Variants in RALGDS observed in about 807,000 individuals in gnomAD.
RALGDS encodes the protein ral guanine nucleotide exchange factor.
In RALGDS, 44 loss-of-function variants were observed where a neutral mutation model predicts 99.8. The ratio of observed to expected loss-of-function variants is 0.44; its 90% CI spans 0.35 to 0.57. RALGDS has a LOEUF of 0.57. Among genes scored for constraint, RALGDS ranks in the 20% least tolerant of loss-of-function variants. The pLI is 0.01. For synonymous variants in RALGDS, 529 were observed against 505.0 expected, an observed-to-expected ratio of 1.05 and a Z score of -0.64; for missense variants, 1,022 against 1,203.1, an observed-to-expected ratio of 0.85 and a Z score of 2.23.
At chr9:133,131,862 C>T (rs1448326328), upstream of RALGDS, among the ~76,000 whole-genome samples, 2 of 152,244 alleles carry the variant, frequency 1.3e-5, no homozygotes, top group African/African-American at 2.4e-5. Flanking sequence ...AAAATGGGCA[C>T]AAGGGCGCTG....
exon 1 of RALGDS, chr9:133,148,989 T>C: frequency 6.3e-7 from 1 of 1,584,274 alleles, no homozygotes; most frequent in African/African-American, 1.4e-5. Context: ...ATCCTCAGCC[T>C]CGGTGGCACA....
At chr9:133,107,838 G>T in intron 6 of RALGDS, 150 bp downstream of exon 6, 1 of 980,184 alleles carries the variant, frequency 1.0e-6, no homozygotes, top group Admixed American at 2.0e-5. Context: ...GAGGACTTGG[G>T]GTTAAGGAAC....
Position 133,098,686 on chromosome 9 carries a change from C to T in RALGDS, c.2646G>A (p.Lys882=). ...STANYDFVLK[K]RTFTKGVKVK... is the part of the protein sequence containing the mutation. Reference sequence around the variant, plus strand: ...CCTTCACTCCCTTGGTGAAGGTCCGCTTCTTGAGGACAAAGTCATAGTTGG... The same window carrying T: ...CCTTCACTCCCTTGGTGAAGGTCCGTTTCTTGAGGACAAAGTCATAGTTGG... Residue 882 remains lysine, a synonymous_variant, in exon 18 of 18, where the codon AAG becomes AAA. Transcript: ENST00000372050. The T allele has an allele frequency of 6.2e-7, 1 of 1,614,094 alleles. No homozygotes were observed. The highest frequency in any genetic ancestry group is 8.5e-7 in the Non-Finnish European group (1 of 1,179,986).
Position 133,106,793 on chromosome 9 carries a change from C to T in RALGDS, c.1414-45G>A, listed in dbSNP as rs778933031. 3.4e-5 allele frequency: 49 copies of T among 1,457,886 alleles called. No individual in the cohort carries two copies. The Admixed American group carries it at 8.7e-4, about 26-fold the overall frequency. The allele number at this position is 1,457,886 out of a possible 1,614,324, so 90.3% of individuals were successfully genotyped here. A position where few individuals can be genotyped will look rare whatever the true frequency, so the allele number is the denominator to read the frequency against. ...AGGCATGAGGTGGGGCTGGAGCTCC[C>T]AGCTTGCCTGGCCTCAGTCCCCCTT... is the stretch of plus-strand genomic sequence containing the variant. On this transcript the variant is annotated intron_variant, in intron 7 of 17. Transcript: ENST00000372050.
At chr9:133,123,811 C>T (rs12351119), upstream of RALGDS, among the ~76,000 whole-genome samples, 19 of 51,768 alleles carry the variant, frequency 3.7e-4, no homozygotes, top group African/African-American at 9.0e-4. Context: ...CAGAGACACA[C>T]ACAGAGAGAC....
intron 10 of RALGDS, 132 bp from the exon 11 acceptor site, chr9:133,103,965 A>G (rs1830889862): frequency 1.1e-6 from 1 of 904,136 alleles, no homozygotes; most frequent in Admixed American, 2.0e-5. Context: ...GTCTCCCTGG[A>G]CCCCAGACTC....
chr9:133,137,755 C>G (rs1377573584), intron 1 of RALGDS, among the ~76,000 whole-genome samples: 1 of 152,218 alleles, frequency 6.6e-6, no homozygotes, highest in Non-Finnish European at 1.5e-5. Context: ...CAGGTTGGCC[C>G]TGGTTTAACC....
At position 133,107,978 on chromosome 9, in the gene RALGDS, A is replaced by C. The variant is rs1311003828; in HGVS notation, c.1197+10T>G. ...GGCCCACCCCTGCCCTGCCAAGCTG[A>C]GCTGCTCACCGCATCCATCAGTGTA... On this transcript the variant is annotated intron_variant, in intron 6 of 17. Coordinates refer to ENST00000372050, the MANE Select transcript of RALGDS (RefSeq NM_006266.4). 7 of 1,612,820 alleles carry C rather than the reference A, an allele frequency of 4.3e-6. No homozygotes were observed. In the Admixed American group the frequency reaches 1.2e-4, roughly 27 times the overall value.
intron 1 of RALGDS, among the ~76,000 whole-genome samples, chr9:133,112,411 C>T (rs1178965979): frequency 1.3e-5 from 2 of 152,168 alleles, no homozygotes; most frequent in African/African-American, 2.4e-5. Flanking sequence ...TAACTGGCTT[C>T]TGCTCCTGCC....
chr9:133,100,281 G>C lies in RALGDS; in HGVS notation c.2556C>G (p.Leu852=), dbSNP rs1315395369. 3 of 1,614,096 alleles carry C rather than the reference G, an allele frequency of 1.9e-6. No individual in the cohort carries two copies. In the Admixed American group the frequency reaches 5.0e-5, roughly 27 times the overall value. ...CTTCTGACTTACTCCGGTCATCTGA[G>C]AGAATCTGCAGCAGCTCATAGTCCT... ...EPEDYELLQI[L]SDDRKLKIPE... Residue 852 remains leucine, a synonymous_variant, in exon 17 of 18, where the codon CTC becomes CTG. Transcript: ENST00000372050.
At chr9:133,103,111 T>C (rs1339962407) in intron 12 of RALGDS, 119 bp downstream of exon 12, 1 of 1,446,506 alleles carries the variant, frequency 6.9e-7, no homozygotes, top group Non-Finnish European at 9.6e-7. Context: ...CCCCCTTCTC[T>C]CTGTGTCCAA....
chr9:133,117,634 G>A (rs1213364335), intron 1 of RALGDS, among the ~76,000 whole-genome samples: 2 of 152,248 alleles, frequency 1.3e-5, no homozygotes, highest in Non-Finnish European at 2.9e-5. Flanking sequence ...ATCAGTGTCT[G>A]CCCCTTAACA....
chr9:133,098,400 G>T lies in RALGDS; in HGVS notation c.*187C>A. ...CAGAAGGCACCTAAGGCAGCGAGTG[G>T]TCCACGGGAGGCCAGGTCAGCCTGA... On this transcript the variant is annotated 3_prime_UTR_variant, in exon 18 of 18. Coordinates refer to ENST00000372050, the MANE Select transcript of RALGDS (RefSeq NM_006266.4). 1 of 648,392 alleles carries T rather than the reference G, an allele frequency of 1.5e-6. No individual in the cohort carries two copies. Among genetic ancestry groups the T allele is most frequent in the Non-Finnish European group, 2.7e-6 (1 of 371,852 alleles). The allele number at this position is 648,392 out of a possible 1,614,324, so 40.2% of individuals were successfully genotyped here.
chr9:133,109,772 C>G (rs367581929), intron 3 of RALGDS, 51 bp from the exon 4 acceptor site: 3 of 1,504,474 alleles, frequency 2.0e-6, no homozygotes, highest in Non-Finnish European at 2.8e-6. Flanking sequence ...AGAACGGAGG[C>G]CCAGGAGGGC....
chr9:133,099,600 GCATA>G (rs1472232827), intron 17 of RALGDS: 1 of 154,982 alleles, frequency 6.5e-6, no homozygotes, highest in Non-Finnish European at 1.4e-5. Flanking sequence ...ACATATACAT[GCATA>G]TATATACACA....
intron 1 of RALGDS, among the ~76,000 whole-genome samples, chr9:133,117,983 T>C (rs759859205): frequency 1.3e-5 from 2 of 152,242 alleles, no homozygotes; most frequent in Non-Finnish European, 2.9e-5. Flanking sequence ...AACGAGCAGC[T>C]TGATATCTCC....
At position 133,121,041 on chromosome 9, in the gene RALGDS, G is replaced by A. The variant is rs1446457637; in HGVS notation, c.114C>T (p.Gly38=). 1 of 1,494,246 alleles carries A rather than the reference G, an allele frequency of 6.7e-7. No homozygotes were observed. The highest frequency in any genetic ancestry group is 8.9e-7 in the Non-Finnish European group (1 of 1,128,308). 92.6% of individuals were successfully genotyped at this position (1,494,246 alleles called of 1,614,324 possible). ...SVWDAVRLEV[G]VPDSCPVVLH... Reference sequence around the variant, plus strand: ...GCACCACCGGGCAGCTGTCGGGGACGCCCACCTCCAGGCGCACGGCGTCCC... The same window carrying A: ...GCACCACCGGGCAGCTGTCGGGGACACCCACCTCCAGGCGCACGGCGTCCC... Residue 38 remains glycine, a synonymous_variant, in exon 1 of 18, where the codon GGC becomes GGT. Coordinates refer to ENST00000372050, the MANE Select transcript of RALGDS (RefSeq NM_006266.4).
At chr9:133,145,346 T>G in intron 1 of RALGDS, among the ~76,000 whole-genome samples, 1 of 151,990 alleles carries the variant, frequency 6.6e-6, no homozygotes, top group South Asian at 2.1e-4. Flanking sequence ...GCACTTCCCC[T>G]TCCCCTGGCA....
chr9:133,134,562 C>T (rs367894110), upstream of RALGDS, among the ~76,000 whole-genome samples: 2 of 152,200 alleles, frequency 1.3e-5, no homozygotes, highest in African/African-American at 4.8e-5. Context: ...AAGTCCGGCC[C>T]CCAAGGCTGC....
Sources: allele counts gnomAD v4.1 joint callset (sites outside exome capture counted in the v4.1 genomes callset), GRCh38; gene constraint gnomAD v4.1.1; transcripts MANE v1.5; gene names NCBI Gene and HGNC (gene_info 2026-07-23, HGNC 2026-07-21).